Variants in TEX48 observed in about 807,000 individuals in gnomAD.
The protein encoded by TEX48 is testis-expressed protein 48.
Under a neutral mutation model 13.2 loss-of-function variants are expected in TEX48, and 10 were observed. The ratio of observed to expected loss-of-function variants is 0.75; its 90% CI spans 0.47 to 1.28. The LOEUF is 1.28. Among genes scored for constraint, TEX48 ranks in the 50% most tolerant of loss-of-function variants. The pLI, the probability that TEX48 is intolerant of heterozygous loss-of-function variation, is 0.00. For missense variants in TEX48, 116 were observed against 139.4 expected, an observed-to-expected ratio of 0.83 and a Z score of 0.84; for synonymous variants, 45 against 52.3, an observed-to-expected ratio of 0.86 and a Z score of 0.60.
chr9:114,667,589 A>G (rs925702381), intron 4 of TEX48, among the ~76,000 whole-genome samples: 10 of 152,212 alleles, frequency 6.6e-5, no homozygotes, highest in African/African-American at 2.2e-4. Flanking sequence ...TCAAGTAAGC[A>G]TATGAAAAAT....
At chr9:114,666,771 T>C (rs1196847204) in intron 4 of TEX48, 25 bp from the exon 5 acceptor site, 1 of 1,284,490 alleles carries the variant, frequency 7.8e-7, no homozygotes, top group Non-Finnish European at 1.1e-6. Flanking sequence ...GAAAAAATTA[T>C]GCTGGGTGAA....
At chr9:114,679,318 A>T (rs1412613011) in intron 1 of TEX48, among the ~76,000 whole-genome samples, 1 of 150,184 alleles carries the variant, frequency 6.7e-6, no homozygotes, top group African/African-American at 2.5e-5. Context: ...GGCCCCTGAA[A>T]TAAAGACAGG....
rs1339613775 is a variant in TEX48 at position 114,668,293 on chromosome 9, G to T, written c.172C>A (p.Arg58Ser). 1.2e-5 allele frequency: 18 copies of T among 1,535,654 alleles called. No homozygotes were observed. The South Asian group carries it at 1.8e-4, about 15-fold the overall frequency. ...KDELDRQNPK[R>S]INAVSHLPSR... Reference sequence around the variant, plus strand: ...GGCAAATGGGAGACTGCGTTAATGCGCTTGGGATTTTGTCTGTCAAGCTCA... The same window carrying T: ...GGCAAATGGGAGACTGCGTTAATGCTCTTGGGATTTTGTCTGTCAAGCTCA... The change falls in exon 4 of 5, where the codon CGC becomes AGC. Residue 58 changes from arginine (R) to serine (S), a missense_variant. Coordinates refer to ENST00000436752, the MANE Select transcript of TEX48 (RefSeq NM_001199233.2).
At chr9:114,674,017 G>A (rs751103401) in intron 1 of TEX48, among the ~76,000 whole-genome samples, 1 of 151,784 alleles carries the variant, frequency 6.6e-6, no homozygotes. Flanking sequence ...TATAGCCCAG[G>A]CTGGCCTTGA....
chr9:114,678,250 G>T (rs1217282204), intron 1 of TEX48, among the ~76,000 whole-genome samples: 1 of 152,076 alleles, frequency 6.6e-6, no homozygotes, highest in African/African-American at 2.4e-5. Flanking sequence ...CACCCAACTT[G>T]ATCTTTACTA....
At chr9:114,680,321 T>G (rs1485630703) in intron 1 of TEX48, among the ~76,000 whole-genome samples, 1 of 151,982 alleles carries the variant, frequency 6.6e-6, no homozygotes, top group Non-Finnish European at 1.5e-5. Context: ...AGATGGGGTT[T>G]CCCCATGTTG....
intron 4 of TEX48, among the ~76,000 whole-genome samples, chr9:114,667,985 T>C (rs1236298069): frequency 6.6e-6 from 1 of 150,946 alleles, no homozygotes; most frequent in Admixed American, 6.6e-5. Context: ...CCCCCAGACC[T>C]GCTCCTTCTC....
intron 3 of TEX48, among the ~76,000 whole-genome samples, chr9:114,669,533 T>C (rs7872042): frequency 0.71 from 107,441 of 151,872 alleles, 38,843 homozygotes; most frequent in African/African-American, 0.85. Flanking sequence ...CCTCCACCTC[T>C]CGGGTTCAAG....
At chr9:114,677,161 A>G (rs1828089233) in intron 1 of TEX48, among the ~76,000 whole-genome samples, 1 of 152,124 alleles carries the variant, frequency 6.6e-6, no homozygotes, top group African/African-American at 2.4e-5. Flanking sequence ...TTTTTGGTCA[A>G]AGTGGGGGCA....
Position 114,668,237 on chromosome 9 carries a change from C to G in TEX48, c.228G>C (p.Lys76Asn). Residue 76 changes from lysine (K) to asparagine (N), a missense_variant, in exon 4 of 5, where the codon AAG becomes AAC. By Grantham distance (94) the Lys-to-Asn change is moderately conservative. Transcript: ENST00000436752. ...PSRTPLIQTKKSTSSSSSEFE... is the reference protein window; with the variant it reads ...PSRTPLIQTKNSTSSSSSEFE... ...ACTCACTGCTGCTGGAGGAAGTGCT[C>G]TTTTTTGTCTGGATCAGGGGTGTTC... The G allele has an allele frequency of 1.3e-6, 2 of 1,535,634 alleles. No homozygotes were observed. Among genetic ancestry groups the G allele is most frequent in the Non-Finnish European group, 1.7e-6 (2 of 1,146,866 alleles).
At chr9:114,681,056 C>G (rs1048190546) in intron 1 of TEX48, among the ~76,000 whole-genome samples, 5 of 152,212 alleles carry the variant, frequency 3.3e-5, no homozygotes, top group African/African-American at 1.2e-4. Context: ...AGGCATCTTC[C>G]ACCAAAGCAG....
chr9:114,679,243 T>C (rs1012553460), intron 1 of TEX48, among the ~76,000 whole-genome samples: 1 of 144,510 alleles, frequency 6.9e-6, no homozygotes, highest in Admixed American at 6.9e-5. Flanking sequence ...TTGATCATTT[T>C]CCAAGAGTCC....
chr9:114,681,496 A>G (rs2133770657), intron 1 of TEX48, among the ~76,000 whole-genome samples: 1 of 152,316 alleles, frequency 6.6e-6, no homozygotes, highest in East Asian at 1.9e-4. Context: ...CTGACCTGTA[A>G]AATGGGGATG....
intron 1 of TEX48, among the ~76,000 whole-genome samples, chr9:114,675,382 G>C (rs751169385): frequency 3.3e-5 from 5 of 152,146 alleles, no homozygotes; most frequent in African/African-American, 7.2e-5. Flanking sequence ...CCTGTCCACT[G>C]CAAAGCATAT....
In TEX48 at chr9:114,668,229, G is replaced by A. The variant is rs1827878250; in HGVS notation, c.236C>T (p.Ser79Phe). The A allele has an allele frequency of 6.5e-7, 1 of 1,535,546 alleles. No homozygotes were observed. The highest frequency in any genetic ancestry group is 8.7e-7 in the Non-Finnish European group (1 of 1,146,882). Residue 79 changes from serine to phenylalanine, a missense_variant, in exon 4 of 5, where the codon TCC becomes TTC. By Grantham distance (155) the Ser-to-Phe change is radical (BLOSUM62 -2). Coordinates refer to ENST00000436752, the MANE Select transcript of TEX48 (RefSeq NM_001199233.2). ...ACCCTCAAACTCACTGCTGCTGGAGGAAGTGCTCTTTTTTGTCTGGATCAG... is the reference window on the plus strand; with the variant it reads ...ACCCTCAAACTCACTGCTGCTGGAGAAAGTGCTCTTTTTTGTCTGGATCAG... The part of the protein sequence containing the change: ...TPLIQTKKST[S>F]SSSSEFEDLN...
In TEX48 at chr9:114,669,708, T is replaced by C. The variant is rs192249994; in HGVS notation, c.128-1371A>G. The stretch of plus-strand genomic sequence containing the variant: ...CACCTGCCTTGGCCTCCCAAAGTGC[T>C]GGGATTAAAGACATGAACCACCATG... On this transcript the variant is annotated intron_variant, in intron 3 of 4. Transcript: ENST00000436752. 1.6e-3 allele frequency among the ~76,000 whole-genome samples: 248 copies of C among 152,244 alleles called. 2 individuals are homozygous for C. The highest frequency in any genetic ancestry group is 5.6e-3 in the African/African-American group (234 of 41,554).
At chr9:114,675,663 A>G (rs1828045837) in intron 1 of TEX48, among the ~76,000 whole-genome samples, 1 of 152,190 alleles carries the variant, frequency 6.6e-6, no homozygotes, top group South Asian at 2.1e-4. Context: ...TATCTGGTAG[A>G]CATGTAAATC....
At position 114,668,264 on chromosome 9, in the gene TEX48, C is replaced by G; in HGVS notation, c.201G>C (p.Ser67=). Residue 67 remains serine, a synonymous_variant, in exon 4 of 5, where the codon TCG becomes TCC. Transcript: ENST00000436752. ...KRINAVSHLP[S]RTPLIQTKKS... ...TTTTTGTCTGGATCAGGGGTGTTCT[C>G]GAAGGCAAATGGGAGACTGCGTTAA... 5 of 1,535,618 alleles carry G rather than the reference C, an allele frequency of 3.3e-6. No individual in the cohort carries two copies. Among genetic ancestry groups the G allele is most frequent in the Non-Finnish European group, 4.4e-6 (5 of 1,146,846 alleles).
At chr9:114,670,259 A>G (rs1447134034) in intron 3 of TEX48, among the ~76,000 whole-genome samples, 1 of 152,224 alleles carries the variant, frequency 6.6e-6, no homozygotes, top group Non-Finnish European at 1.5e-5. Flanking sequence ...TTCATTAATT[A>G]TCATCATTCT....
Sources: allele counts gnomAD v4.1 joint callset (sites outside exome capture counted in the v4.1 genomes callset), GRCh38; gene constraint gnomAD v4.1.1; transcripts MANE v1.5; gene names NCBI Gene and HGNC (gene_info 2026-07-23, HGNC 2026-07-21).